Variants in ESRRG observed in about 807,000 individuals in gnomAD.
ESRRG encodes estrogen-related receptor gamma.
Under a neutral mutation model 44.0 loss-of-function variants are expected in ESRRG, and 13 were observed. That is an observed-to-expected ratio of 0.30 (90% CI 0.19 to 0.47). The LOEUF (loss-of-function observed/expected upper bound fraction) is 0.47. Ranked by LOEUF, ESRRG falls within the 20% of genes least tolerant of loss-of-function variation. ESRRG has a pLI of 1.00. For missense variants in ESRRG, 395 were observed against 580.6 expected (o/e 0.68, Z 3.29); for synonymous variants, 215 against 214.6 (o/e 1.00, Z -0.02).
intron 1 of ESRRG, among the ~76,000 whole-genome samples, chr1:217,068,641 T>C (rs1343224222): frequency 6.6e-6 from 1 of 152,168 alleles, no homozygotes; most frequent in Non-Finnish European, 1.5e-5. Flanking sequence ...TATCATGTAT[T>C]ATTAGAAGAA....
intron 5 of ESRRG, among the ~76,000 whole-genome samples, chr1:216,539,060 A>G (rs2051882134): frequency 6.6e-6 from 1 of 152,018 alleles, no homozygotes; most frequent in Non-Finnish European, 1.5e-5. Context: ...TTATTTCTCA[A>G]ATCATAATTC....
At chr1:216,611,106 G>A (rs1023061636) in intron 3 of ESRRG, among the ~76,000 whole-genome samples, 2 of 151,208 alleles carry the variant, frequency 1.3e-5, no homozygotes, top group African/African-American at 2.4e-5. Context: ...GGGAGGCTGA[G>A]GCAGGAGAGT....
At chr1:216,657,144 C>T (rs772287448) in intron 2 of ESRRG, among the ~76,000 whole-genome samples, 6 of 151,954 alleles carry the variant, frequency 3.9e-5, no homozygotes, top group Non-Finnish European at 8.8e-5. Flanking sequence ...TTCAATGCTT[C>T]GTTTCTAGCT....
At chr1:217,003,810 T>C (rs1025876628) in intron 1 of ESRRG, among the ~76,000 whole-genome samples, 1 of 151,914 alleles carries the variant, frequency 6.6e-6, no homozygotes, top group Non-Finnish European at 1.5e-5. Flanking sequence ...TTTCAGTCTG[T>C]TGTTTTTCAT....
intron 2 of ESRRG, among the ~76,000 whole-genome samples, chr1:216,897,031 G>A (rs2058508333): frequency 6.6e-6 from 1 of 152,138 alleles, no homozygotes; most frequent in Non-Finnish European, 1.5e-5. Flanking sequence ...AAGATGAAAG[G>A]GCATTTGCTG....
chr1:216,668,305 T>C (rs1406438112), intron 2 of ESRRG, among the ~76,000 whole-genome samples: 5 of 152,154 alleles, frequency 3.3e-5, no homozygotes, highest in South Asian at 2.1e-4. Context: ...CAAATTTGTG[T>C]CCATCCTGAA....
At chr1:216,903,354 TAGACA>T (rs1453197741) in intron 2 of ESRRG, among the ~76,000 whole-genome samples, 6 of 152,016 alleles carry the variant, frequency 3.9e-5, no homozygotes, top group Non-Finnish European at 8.8e-5. Context: ...AAAAGGCACT[TAGACA>T]AAGAGAGCCG....
chr1:216,555,218 AG>A (rs2057280129), intron 5 of ESRRG, among the ~76,000 whole-genome samples: 1 of 152,200 alleles, frequency 6.6e-6, no homozygotes, highest in African/African-American at 2.4e-5. Flanking sequence ...AGATGAGCAA[AG>A]GTACATGGCT....
chr1:217,133,631 T>TTCTTTCTTTCTTTCTTTCTTTCTTTC (rs1491192210), intron 1 of ESRRG, among the ~76,000 whole-genome samples: 6 of 58,490 alleles, frequency 1.0e-4, no homozygotes, highest in East Asian at 6.0e-4. Context: ...CTTTCTTTCT[T>TTCTTTCTTTCTTTCTTTCTTTCTTTC]TCTCTCTCTC....
intron 1 of ESRRG, among the ~76,000 whole-genome samples, chr1:217,120,152 C>T (rs2092800568): frequency 6.6e-6 from 1 of 152,104 alleles, no homozygotes; most frequent in Non-Finnish European, 1.5e-5. Context: ...CACATTTAAA[C>T]TCTCTCCAAA....
At chr1:216,849,414 A>T (rs1159513874) in intron 2 of ESRRG, among the ~76,000 whole-genome samples, 1 of 152,180 alleles carries the variant, frequency 6.6e-6, no homozygotes, top group Non-Finnish European at 1.5e-5. Context: ...ACAATGCTAC[A>T]CAAGTCATTA....
At chr1:216,519,814 TAA>T (rs147923058) in intron 5 of ESRRG, among the ~76,000 whole-genome samples, 9 of 118,936 alleles carry the variant, frequency 7.6e-5, no homozygotes, top group Non-Finnish European at 5.5e-5. Flanking sequence ...AACATAAAAG[TAA>T]AAAAAAAAAA....
At chr1:217,134,902 G>T (rs764725296) in intron 1 of ESRRG, among the ~76,000 whole-genome samples, 1 of 152,252 alleles carries the variant, frequency 6.6e-6, no homozygotes, top group East Asian at 1.9e-4. Context: ...CACAGCAAGC[G>T]AGTCCTGGCC....
At chr1:217,019,765 C>G (rs904088377) in intron 1 of ESRRG, among the ~76,000 whole-genome samples, 1 of 152,160 alleles carries the variant, frequency 6.6e-6, no homozygotes, top group Admixed American at 6.5e-5. Flanking sequence ...CAGGTGGGAA[C>G]GGCTCTGTCT....
chr1:217,036,362 T>A (rs1278654911), intron 1 of ESRRG, among the ~76,000 whole-genome samples: 1 of 152,176 alleles, frequency 6.6e-6, no homozygotes, highest in Non-Finnish European at 1.5e-5. Context: ...TACATTCATG[T>A]GTATGTTCAT....
intron 1 of ESRRG, among the ~76,000 whole-genome samples, chr1:216,998,225 C>T (rs1409003951): frequency 6.6e-6 from 1 of 152,176 alleles, no homozygotes; most frequent in African/African-American, 2.4e-5. Flanking sequence ...AAACACTAAA[C>T]ACCTAAAATG....
At chr1:216,579,836 G>C (rs1332254430) in intron 3 of ESRRG, among the ~76,000 whole-genome samples, 2 of 152,150 alleles carry the variant, frequency 1.3e-5, no homozygotes, top group Non-Finnish European at 2.9e-5. Flanking sequence ...CCCTCATGTA[G>C]AAGGAGGCAG....
At chr1:216,975,947 G>A (rs940275879) in intron 1 of ESRRG, among the ~76,000 whole-genome samples, 1 of 152,106 alleles carries the variant, frequency 6.6e-6, no homozygotes, top group Non-Finnish European at 1.5e-5. Flanking sequence ...CTTGACCCAT[G>A]ACAAAGATTT....
At chr1:216,512,264 G>C (rs1480667638) in intron 6 of ESRRG, among the ~76,000 whole-genome samples, 1 of 152,060 alleles carries the variant, frequency 6.6e-6, no homozygotes, top group African/African-American at 2.4e-5. Flanking sequence ...ATTAAGTCTC[G>C]GGATCCAGTA....
Sources: gnomAD v4.1 joint callset for allele counts (sites outside exome capture counted in the v4.1 genomes callset) on GRCh38, gnomAD v4.1.1 for gene constraint, MANE v1.5 for transcripts, NCBI Gene and HGNC (gene_info 2026-07-23, HGNC 2026-07-21) for gene names.